Variants in PLCE1 observed in about 807,000 individuals in gnomAD.
PLCE1 encodes the protein 1-phosphatidylinositol 4,5-bisphosphate phosphodiesterase epsilon-1.
PLCE1 carries 119 observed loss-of-function variants against 242.8 expected under a neutral mutation model. The observed-to-expected ratio is 0.49, with a 90% CI of 0.42 to 0.57. The LOEUF (loss-of-function observed/expected upper bound fraction) is 0.57. Ranked by LOEUF, PLCE1 falls within the 20% of genes least tolerant of loss-of-function variation. The pLI, the probability that PLCE1 is intolerant of heterozygous loss-of-function variation, is 0.00. For synonymous variants in PLCE1, 945 were observed against 1,017.4 expected, an observed-to-expected ratio of 0.93 and a Z score of 1.35; for missense variants, 2,441 against 2,788.8, an observed-to-expected ratio of 0.88 and a Z score of 2.81.
intron 2 of PLCE1, among the ~76,000 whole-genome samples, chr10:94,049,911 TA>T (rs2043716647): frequency 1.3e-5 from 2 of 152,324 alleles, no homozygotes; most frequent in African/African-American, 4.8e-5. Context: ...CTTATATCTG[TA>T]AGATTCATCC....
chr10:94,260,198 AG>A (rs2051249335), intron 13 of PLCE1, among the ~76,000 whole-genome samples: 1 of 152,182 alleles, frequency 6.6e-6, no homozygotes, highest in African/African-American at 2.4e-5. Context: ...GTTCAATCAC[AG>A]GGCAGTAGTC....
intron 22 of PLCE1, among the ~76,000 whole-genome samples, chr10:94,291,497 A>T (rs957837856): frequency 3.9e-5 from 6 of 152,206 alleles, no homozygotes; most frequent in Non-Finnish European, 8.8e-5. Flanking sequence ...AACCATGTGG[A>T]TTTAAATCCC....
At chr10:94,229,950 G>A (rs774345681) in intron 5 of PLCE1, among the ~76,000 whole-genome samples, 2 of 152,178 alleles carry the variant, frequency 1.3e-5, no homozygotes, top group African/African-American at 4.8e-5. Flanking sequence ...CTCTTATGAT[G>A]CAATGATTAT....
chr10:94,273,702 G>A lies in PLCE1; in HGVS notation c.4647G>A (p.Val1549=). 5 of 1,613,828 alleles carry A rather than the reference G, an allele frequency of 3.1e-6. No individual in the cohort carries two copies. In the South Asian group the frequency reaches 5.5e-5, roughly 18 times the overall value. ...NKKLKAHQTP[V]DILKQKAHQL... The stretch of plus-strand genomic sequence containing the variant: ...AGCTAAAAGCCCATCAGACGCCAGT[G>A]GATATCTTAAAGCAAAAGGTACTCC... Residue 1549 remains valine (V), a synonymous_variant, in exon 19 of 33, where the codon GTG becomes GTA. Coordinates refer to ENST00000371380, the MANE Select transcript of PLCE1 (RefSeq NM_016341.4).
chr10:94,107,680 G>T (rs2045802692), intron 2 of PLCE1: 1 of 152,024 alleles, frequency 6.6e-6, no homozygotes, highest in Non-Finnish European at 1.5e-5. Flanking sequence ...TCTAATTGGA[G>T]TTAGGATGCT....
rs140340765 is a variant in PLCE1, at chr10:94,038,926, C to T, written c.1206+6674C>T. On this transcript the variant is annotated intron_variant, in intron 2 of 32. Coordinates refer to ENST00000371380, the MANE Select transcript of PLCE1 (RefSeq NM_016341.4). Reference sequence around the variant, plus strand: ...CCCCAGCCCTAAGGAACCACTAATCCACTTTCTGTCTCTATAGATTTCCCT... The same window carrying T: ...CCCCAGCCCTAAGGAACCACTAATCTACTTTCTGTCTCTATAGATTTCCCT... Among the ~76,000 whole-genome samples the T allele has an allele frequency of 2.6e-3, 400 of 152,292 alleles. 1 individual carries two copies. The highest frequency in any genetic ancestry group is 4.4e-3 in the Non-Finnish European group (302 of 68,032).
At chr10:94,024,770 T>C (rs904335047) in intron 1 of PLCE1, among the ~76,000 whole-genome samples, 1 of 152,240 alleles carries the variant, frequency 6.6e-6, no homozygotes, top group African/African-American at 2.4e-5. Context: ...GAGAATAAAA[T>C]TGGAAACATT....
rs757833114 is a variant in PLCE1, at chr10:94,132,238, C to A, written c.1271C>A (p.Thr424Asn). 2.9e-5 allele frequency: 46 copies of A among 1,614,014 alleles called. No individual in the cohort carries two copies. Among genetic ancestry groups the A allele is most frequent in the Non-Finnish European group, 3.6e-5 (42 of 1,179,990 alleles). ...GTTGGATCTCTACTCCATTTCCTCA[C>A]CAAGCTCCCAGCCTCCGAGACAGCC... The part of the protein sequence containing the change: ...NTVGSLLHFL[T>N]KLPASETAHG... The change falls in exon 3 of 33, where the codon ACC (threonine) becomes AAC (asparagine). Residue 424 changes from threonine (T) to asparagine (N), a missense_variant. Physicochemically the swap from Thr to Asn is moderately conservative, Grantham distance 65. Transcript: ENST00000371380.
At chr10:94,100,242 A>G (rs1438599570) in intron 2 of PLCE1, 1 of 152,248 alleles carries the variant, frequency 6.6e-6, no homozygotes, top group East Asian at 1.9e-4. Flanking sequence ...AGAGAAGCCA[A>G]GAACTGAAGT....
At chr10:94,073,984 T>G (rs1026145416) in intron 2 of PLCE1, among the ~76,000 whole-genome samples, 5 of 152,176 alleles carry the variant, frequency 3.3e-5, no homozygotes, top group African/African-American at 1.2e-4. Flanking sequence ...GGTGATCTAT[T>G]GAGTTTCAGT....
At position 94,031,150 on chromosome 10, in the gene PLCE1, A is replaced by T; in HGVS notation, c.104A>T (p.Asp35Val). 1 of 1,613,854 alleles carries T rather than the reference A, an allele frequency of 6.2e-7. No homozygotes were observed. ...GATGAAAGTAGTGAAAAGGTCTCAG[A>T]CATCAATATTTCAAAAGCACATACT... is the stretch of plus-strand genomic sequence containing the variant. ...AADESSEKVS[D>V]INISKAHTVR... Residue 35 changes from aspartate (D) to valine (V), a missense_variant, in exon 2 of 33, where the codon GAC (aspartate) becomes GTC (valine). By Grantham distance (152) the Asp-to-Val change is radical (BLOSUM62 -3). Transcript: ENST00000371380.
chr10:94,141,549 AAGG>A (rs1564727140), intron 3 of PLCE1, among the ~76,000 whole-genome samples: 13 of 144,656 alleles, frequency 9.0e-5, no homozygotes, highest in Non-Finnish European at 1.8e-4. Flanking sequence ...AGGGAAGGCT[AAGG>A]GAAGGTGAAG....
intron 2 of PLCE1, among the ~76,000 whole-genome samples, chr10:94,078,591 A>G (rs574420087): frequency 3.6e-4 from 55 of 152,074 alleles, no homozygotes; most frequent in Admixed American, 9.8e-4. Context: ...GGTTCAAGCA[A>G]TTCTCTGCCT....
intron 3 of PLCE1, among the ~76,000 whole-genome samples, chr10:94,163,988 C>T (rs967389672): frequency 6.6e-6 from 1 of 152,166 alleles, no homozygotes; most frequent in Admixed American, 6.5e-5. Flanking sequence ...CCCCCACTCC[C>T]TTCTGGCTTG....
intron 4 of PLCE1, among the ~76,000 whole-genome samples, chr10:94,189,340 T>C (rs549331911): frequency 6.7e-6 from 1 of 149,564 alleles, no homozygotes; most frequent in East Asian, 1.9e-4. Context: ...TAAATATATA[T>C]AAAGGAAAAA....
chr10:94,199,700 A>G (rs2136742930), intron 4 of PLCE1, among the ~76,000 whole-genome samples: 1 of 152,368 alleles, frequency 6.6e-6, no homozygotes, highest in Admixed American at 6.5e-5. Flanking sequence ...ACAGAAATGA[A>G]TAAATGACCG....
intron 3 of PLCE1, among the ~76,000 whole-genome samples, chr10:94,153,302 GAAC>G (rs1377897074): frequency 2.0e-5 from 3 of 151,898 alleles, no homozygotes; most frequent in Non-Finnish European, 4.4e-5. Flanking sequence ...CATATGAATA[GAAC>G]AATAGACGAA....
intron 4 of PLCE1, among the ~76,000 whole-genome samples, chr10:94,189,678 G>T (rs2048599017): frequency 6.6e-6 from 1 of 152,140 alleles, no homozygotes; most frequent in African/African-American, 2.4e-5. Flanking sequence ...GGGAAAAATG[G>T]CTCCCAGATG....
intron 26 of PLCE1, 134 bp from the exon 27 acceptor site, chr10:94,308,447 G>A (rs531644190): frequency 3.0e-5 from 23 of 769,854 alleles, no homozygotes; most frequent in African/African-American, 2.9e-4. Flanking sequence ...GCGAAAAGAC[G>A]CCTGTTGGTT....
Sources: gnomAD v4.1 joint callset for allele counts (sites outside exome capture counted in the v4.1 genomes callset) on GRCh38, gnomAD v4.1.1 for gene constraint, MANE v1.5 for transcripts, NCBI Gene and HGNC (gene_info 2026-07-23, HGNC 2026-07-21) for gene names.